Variants in EBF1 observed in about 807,000 individuals in gnomAD.
The protein encoded by EBF1 is transcription factor COE1.
In EBF1, 10 loss-of-function variants were observed where a neutral mutation model predicts 68.4. That is an observed-to-expected ratio of 0.15 (90% CI 0.09 to 0.25). EBF1 has a LOEUF of 0.25. Ranked by LOEUF, EBF1 falls within the 10% of genes least tolerant of loss-of-function variation. The pLI is 1.00. For missense variants in EBF1, 509 were observed against 794.4 expected, an observed-to-expected ratio of 0.64 and a Z score of 4.32; for synonymous variants, 298 against 299.8, an observed-to-expected ratio of 0.99 and a Z score of 0.06.
chr5:158,985,394 G>A lies in EBF1; in HGVS notation c.554+88002C>T, dbSNP rs548383550. ...ATCACCTGAGGAACTTTTAGAAAAT[G>A]CCAGTGTTGGTCTCTACCCCATACC... is the stretch of plus-strand genomic sequence containing the variant. On this transcript the variant is annotated intron_variant, in intron 6 of 15. Transcript: ENST00000313708. 7.2e-5 allele frequency among the ~76,000 whole-genome samples: 11 copies of A among 152,290 alleles called. No homozygotes were observed. The South Asian group carries it at 1.9e-3, about 26-fold the overall frequency.
chr5:158,881,695 C>T (rs568988391), intron 6 of EBF1, among the ~76,000 whole-genome samples: 1 of 152,316 alleles, frequency 6.6e-6, no homozygotes, highest in African/African-American at 2.4e-5. Flanking sequence ...TAGCACCAAA[C>T]CTTGCTTGCA....
chr5:158,882,573 T>C (rs1272431799), intron 6 of EBF1, among the ~76,000 whole-genome samples: 1 of 152,112 alleles, frequency 6.6e-6, no homozygotes, highest in Non-Finnish European at 1.5e-5. Flanking sequence ...TTTGTGACAA[T>C]ACAAGATAAA....
intron 6 of EBF1, among the ~76,000 whole-genome samples, chr5:158,880,483 C>G (rs1278683881): frequency 6.6e-6 from 1 of 152,096 alleles, no homozygotes; most frequent in South Asian, 2.1e-4. Context: ...TGGTACATTC[C>G]CACACTCCTC....
At chr5:158,714,884 T>C (rs1242605126) in intron 11 of EBF1, among the ~76,000 whole-genome samples, 1 of 152,196 alleles carries the variant, frequency 6.6e-6, no homozygotes, top group African/African-American at 2.4e-5. Context: ...TCATCCTAGA[T>C]AGATGCTTGG....
At chr5:158,896,986 A>C (rs1239456561) in intron 6 of EBF1, among the ~76,000 whole-genome samples, 2 of 152,176 alleles carry the variant, frequency 1.3e-5, no homozygotes, top group East Asian at 3.9e-4. Flanking sequence ...ATTTCAGCCC[A>C]AGACACACCG....
At chr5:158,874,071 C>G (rs531417353) in intron 6 of EBF1, among the ~76,000 whole-genome samples, 17 of 152,160 alleles carry the variant, frequency 1.1e-4, no homozygotes, top group African/African-American at 4.1e-4. Context: ...TTGGAAGTTC[C>G]TAGGCCAGAG....
chr5:159,007,574 AG>A (rs967672623), intron 6 of EBF1, among the ~76,000 whole-genome samples: 9 of 152,170 alleles, frequency 5.9e-5, no homozygotes, highest in Non-Finnish European at 1.3e-4. Flanking sequence ...GGAAAAAGTG[AG>A]GAATGTGCTT....
intron 6 of EBF1, among the ~76,000 whole-genome samples, chr5:158,970,632 A>G (rs189926468): frequency 1.1e-4 from 17 of 152,356 alleles, no homozygotes; most frequent in Admixed American, 7.8e-4. Flanking sequence ...GTCAGCGATT[A>G]TGACTTTCTT....
chr5:159,085,227 T>G (rs1045115637), intron 4 of EBF1, among the ~76,000 whole-genome samples: 22 of 152,168 alleles, frequency 1.4e-4, no homozygotes, highest in African/African-American at 5.3e-4. Flanking sequence ...GTCCATTCAC[T>G]AACTGTGTCA....
At chr5:159,053,691 A>G (rs1479039010) in intron 6 of EBF1, among the ~76,000 whole-genome samples, 2 of 152,256 alleles carry the variant, frequency 1.3e-5, no homozygotes, top group South Asian at 2.1e-4. Context: ...CACTACACCA[A>G]TACAAGCCAG....
intron 10 of EBF1, among the ~76,000 whole-genome samples, chr5:158,776,857 T>A (rs1393972675): frequency 6.6e-6 from 1 of 152,192 alleles, no homozygotes; most frequent in Non-Finnish European, 1.5e-5. Flanking sequence ...TGCCTGGTTC[T>A]CTCTGTCTGA....
At chr5:158,723,938 G>GCA (rs142890520) in intron 11 of EBF1, among the ~76,000 whole-genome samples, 98 of 151,954 alleles carry the variant, frequency 6.4e-4, no homozygotes, top group Non-Finnish European at 8.8e-5. Context: ...ACACATGCAC[G>GCA]CACACACACA....
chr5:159,001,736 G>C (rs540866344), intron 6 of EBF1, among the ~76,000 whole-genome samples: 1 of 152,142 alleles, frequency 6.6e-6, no homozygotes, highest in Admixed American at 6.5e-5. Context: ...TCCTCTCAGG[G>C]GCTATAGGAC....
Position 158,844,330 on chromosome 5 carries a change from A to C in EBF1, c.555-4220T>G, listed in dbSNP as rs74493661. 8.6e-3 allele frequency among the ~76,000 whole-genome samples: 1,306 copies of C among 152,114 alleles called. 25 individuals carry two copies. The highest frequency in any genetic ancestry group is 0.03 in the African/African-American group (1,240 of 41,492). ...AGAGCACTTATATTCCCAATATCTC[A>C]CTAAATCCTCACGGAATTTCTATAA... On this transcript the variant is annotated intron_variant, in intron 6 of 15. Coordinates refer to ENST00000313708, the MANE Select transcript of EBF1 (RefSeq NM_024007.5).
At chr5:158,900,485 A>G (rs766558911) in intron 6 of EBF1, among the ~76,000 whole-genome samples, 2 of 152,218 alleles carry the variant, frequency 1.3e-5, no homozygotes, top group Non-Finnish European at 2.9e-5. Context: ...CTGATTTGGT[A>G]ACGACATGGG....
At chr5:158,972,615 C>T (rs1187001312) in intron 6 of EBF1, among the ~76,000 whole-genome samples, 1 of 152,218 alleles carries the variant, frequency 6.6e-6, no homozygotes, top group Non-Finnish European at 1.5e-5. Context: ...GGCTTCTTGG[C>T]TTAACGCTAA....
Position 158,696,707 on chromosome 5 carries a change from ACAACTCCCCTCCCC to A in EBF1, c.*2390_*2403del, listed in dbSNP as rs1366773745. On this transcript the variant is annotated 3_prime_UTR_variant, in exon 16 of 16. Transcript: ENST00000313708. The stretch of plus-strand genomic sequence containing the variant: ...GCTTTCCTCCCTCCCCTACCCTCCC[ACAACTCCCCTCCCC>A]CACCCACCCCAACCCATAAAAATCG... The A allele has an allele frequency of 1.1e-5, 1 of 89,318 alleles. No homozygotes were observed. The highest frequency in any genetic ancestry group is 2.2e-5 in the Non-Finnish European group (1 of 45,146). 5.5% of individuals were successfully genotyped at this position (89,318 alleles called of 1,614,324 possible).
At position 159,085,919 on chromosome 5, in the gene EBF1, A is replaced by G. The variant is rs1780564345; in HGVS notation, c.412-1180T>C. Among the ~76,000 whole-genome samples, 4 of 152,156 alleles carry G rather than the reference A, an allele frequency of 2.6e-5. No individual in the cohort carries two copies. The South Asian group carries it at 8.3e-4, about 32-fold the overall frequency. On this transcript the variant is annotated intron_variant, in intron 4 of 15. Coordinates refer to ENST00000313708, the MANE Select transcript of EBF1 (RefSeq NM_024007.5). ...TGCGACCCAGTGTGTATAGATCCTC[A>G]GAGAGAACTGTGGTTATGGTATCTG... is the stretch of plus-strand genomic sequence containing the variant.
chr5:158,902,461 T>C (rs1035728567), intron 6 of EBF1, among the ~76,000 whole-genome samples: 1 of 150,638 alleles, frequency 6.6e-6, no homozygotes, highest in Non-Finnish European at 1.5e-5. Flanking sequence ...TTGCTCTGTG[T>C]CCCAGGCTGC....
Sources: allele counts gnomAD v4.1 joint callset (sites outside exome capture counted in the v4.1 genomes callset), GRCh38; gene constraint gnomAD v4.1.1; transcripts MANE v1.5; gene names NCBI Gene and HGNC (gene_info 2026-07-23, HGNC 2026-07-21).